RAD54B: variants seen among roughly 807,000 people sequenced by gnomAD.
RAD54B encodes RAD54 homolog B, also known as DNA repair and recombination protein RAD54B.
Under a neutral mutation model 95.8 loss-of-function variants are expected in RAD54B, and 78 were observed. The ratio of observed to expected loss-of-function variants is 0.81; its 90% CI spans 0.68 to 0.98. The LOEUF (loss-of-function observed/expected upper bound fraction) is 0.98, where lower values mean the gene tolerates loss of function less well. RAD54B is among the 50% of genes least tolerant of loss of function. The pLI, the probability that RAD54B is intolerant of heterozygous loss-of-function variation, is 0.00. For missense variants in RAD54B, 957 were observed against 1,056.6 expected (o/e 0.91, Z 1.31); for synonymous variants, 328 against 354.9 (o/e 0.92, Z 0.85).
chr8:94,441,075 C>A lies in RAD54B; in HGVS notation c.304+17193G>T, dbSNP rs552853095. 1.3e-4 allele frequency among the ~76,000 whole-genome samples: 20 copies of A among 151,390 alleles called. No individual in the cohort carries two copies. In the East Asian group the frequency reaches 3.9e-3, roughly 30 times the overall value. On this transcript the variant is annotated intron_variant, in intron 3 of 14. Coordinates refer to ENST00000336148, the MANE Select transcript of RAD54B (RefSeq NM_012415.3). ...ACACTGTGAAACTCCCTGCTCTTTTCTGTTTCACTCTGACCACCGGTGCAT... is the reference window on the plus strand; with the variant it reads ...ACACTGTGAAACTCCCTGCTCTTTTATGTTTCACTCTGACCACCGGTGCAT...
At chr8:94,444,324 T>A (rs1242118807) in intron 3 of RAD54B, among the ~76,000 whole-genome samples, 1 of 151,676 alleles carries the variant, frequency 6.6e-6, no homozygotes, top group African/African-American at 2.4e-5. Flanking sequence ...TGCAAACACA[T>A]TATGATCTGA....
chr8:94,378,449 TTAGTAACATAC>T, intron 13 of RAD54B, 69 bp from the exon 14 acceptor site: 3 of 1,472,426 alleles, frequency 2.0e-6, no homozygotes, highest in Middle Eastern at 1.9e-4. Context: ...GGTATAATGT[TTAGTAACATAC>T]TAGTTAATAA....
At chr8:94,410,180 A>G (rs774127088) in intron 4 of RAD54B, among the ~76,000 whole-genome samples, 1 of 152,116 alleles carries the variant, frequency 6.6e-6, no homozygotes, top group Admixed American at 6.6e-5. Context: ...ATAACCTCCA[A>G]AACTATTCAT....
intron 8 of RAD54B, among the ~76,000 whole-genome samples, chr8:94,395,736 G>A (rs1328723727): frequency 6.6e-6 from 1 of 152,122 alleles, no homozygotes; most frequent in Non-Finnish European, 1.5e-5. Flanking sequence ...AACAAGAAGA[G>A]CCAGTCCTGT....
At chr8:94,402,414 C>G (rs1360945480) in intron 6 of RAD54B, among the ~76,000 whole-genome samples, 1 of 152,012 alleles carries the variant, frequency 6.6e-6, no homozygotes, top group Admixed American at 6.6e-5. Flanking sequence ...CCACCACACC[C>G]AGCTAATTTT....
intron 3 of RAD54B, chr8:94,428,352 G>A: frequency 1.0e-6 from 1 of 980,332 alleles, no homozygotes; most frequent in Non-Finnish European, 1.2e-6. Flanking sequence ...TGGCTTAAGT[G>A]TATAGTCATC....
intron 2 of RAD54B, among the ~76,000 whole-genome samples, chr8:94,463,474 A>G (rs1239225598): frequency 6.6e-6 from 1 of 152,166 alleles, no homozygotes; most frequent in Non-Finnish European, 1.5e-5. Context: ...ATTGATGGTA[A>G]GAATGAAAAT....
At chr8:94,400,750 C>T (rs1811248646) in intron 6 of RAD54B, among the ~76,000 whole-genome samples, 1 of 152,090 alleles carries the variant, frequency 6.6e-6, no homozygotes, top group Non-Finnish European at 1.5e-5. Flanking sequence ...TTTATATCTG[C>T]ATATGGATAA....
chr8:94,460,924 T>TAATTC (rs1812885403), intron 2 of RAD54B, among the ~76,000 whole-genome samples: 1 of 152,218 alleles, frequency 6.6e-6, no homozygotes, highest in East Asian at 1.9e-4. Flanking sequence ...ACACTTATAA[T>TAATTC]TATAATGGGC....
intron 3 of RAD54B, among the ~76,000 whole-genome samples, chr8:94,453,578 A>T (rs1052608159): frequency 6.6e-6 from 1 of 152,188 alleles, no homozygotes; most frequent in Non-Finnish European, 1.5e-5. Context: ...TGACAAAAAG[A>T]TTTCAGTGAT....
intron 4 of RAD54B, among the ~76,000 whole-genome samples, chr8:94,408,994 A>C (rs1050721063): frequency 6.7e-6 from 1 of 150,124 alleles, no homozygotes; most frequent in South Asian, 2.1e-4. Context: ...TTTGTTTCAC[A>C]TACTGGTTTT....
chr8:94,469,910 C>A (rs927578051), intron 1 of RAD54B, among the ~76,000 whole-genome samples: 5 of 152,212 alleles, frequency 3.3e-5, no homozygotes, highest in African/African-American at 1.2e-4. Flanking sequence ...TCCCAACTTT[C>A]ACTCAATCTT....
chr8:94,386,494 T>A (rs1255151307), intron 11 of RAD54B, among the ~76,000 whole-genome samples: 1 of 152,168 alleles, frequency 6.6e-6, no homozygotes, highest in East Asian at 1.9e-4. Context: ...TAAATTTGTT[T>A]CAATATTATA....
intron 10 of RAD54B, among the ~76,000 whole-genome samples, chr8:94,387,684 T>C (rs1653550161): frequency 6.6e-6 from 1 of 152,174 alleles, no homozygotes; most frequent in Non-Finnish European, 1.5e-5. Context: ...ATTTCACCAA[T>C]AAATTAACAG....
Position 94,462,825 on chromosome 8 carries a change from GA to G in RAD54B, c.136-4390del, listed in dbSNP as rs557303939. Among the ~76,000 whole-genome samples the G allele has an allele frequency of 1.7e-4, 26 of 152,092 alleles. No homozygotes were observed. In the South Asian group the frequency reaches 4.1e-3, roughly 24 times the overall value. On this transcript the variant is annotated intron_variant, in intron 2 of 14. Coordinates refer to ENST00000336148, the MANE Select transcript of RAD54B (RefSeq NM_012415.3). Reference sequence around the variant, plus strand: ...ATTTAATTTATTTATAGAATTAAAAGAAAAAAATAGTAAATCTGTGTTTTTG... The same window carrying G: ...ATTTAATTTATTTATAGAATTAAAAGAAAAAATAGTAAATCTGTGTTTTTG...
chr8:94,471,860 T>C (rs936941021), intron 1 of RAD54B, among the ~76,000 whole-genome samples: 4 of 151,784 alleles, frequency 2.6e-5, no homozygotes, highest in Admixed American at 6.6e-5. Flanking sequence ...TGATTGTTAG[T>C]CCATATAAAA....
chr8:94,466,985 G>A (rs554474353), intron 2 of RAD54B, among the ~76,000 whole-genome samples: 1 of 152,146 alleles, frequency 6.6e-6, no homozygotes, highest in Non-Finnish European at 1.5e-5. Flanking sequence ...ATGGAGTGCA[G>A]TGGCACAATC....
chr8:94,425,505 A>G (rs557588052), intron 3 of RAD54B, among the ~76,000 whole-genome samples: 1 of 152,128 alleles, frequency 6.6e-6, no homozygotes, highest in Admixed American at 6.5e-5. Flanking sequence ...AAAACCTACC[A>G]ATGTTTAATA....
At chr8:94,425,061 C>CA (rs71273335) in intron 3 of RAD54B, among the ~76,000 whole-genome samples, 1,396 of 82,250 alleles carry the variant, frequency 0.017, 25 homozygotes, top group African/African-American at 0.023. Context: ...GACCCCATCT[C>CA]AAAAAAAAAA....
Sources: gnomAD v4.1 joint callset for allele counts (sites outside exome capture counted in the v4.1 genomes callset) on GRCh38, gnomAD v4.1.1 for gene constraint, MANE v1.5 for transcripts, NCBI Gene and HGNC (gene_info 2026-07-23, HGNC 2026-07-21) for gene names.